Variants in SPOCK3 observed in about 807,000 individuals in gnomAD.
The protein encoded by SPOCK3 is testican-3.
In SPOCK3, 30 loss-of-function variants were observed where a neutral mutation model predicts 56.6. The ratio of observed to expected loss-of-function variants is 0.53; its 90% CI spans 0.40 to 0.72. The LOEUF is 0.72. Among genes scored for constraint, SPOCK3 ranks in the 30% least tolerant of loss-of-function variants. The pLI is 0.00. For missense variants in SPOCK3, 527 were observed against 530.0 expected (o/e 0.99, Z 0.06); for synonymous variants, 196 against 183.3 (o/e 1.07, Z -0.56).
intron 6 of SPOCK3, among the ~76,000 whole-genome samples, chr4:166,840,485 C>T (rs1244850415): frequency 1.3e-5 from 2 of 152,152 alleles, no homozygotes; most frequent in Non-Finnish European, 2.9e-5. Context: ...TTGGACTTTT[C>T]TGTTTGTTTA....
At chr4:166,828,856 A>T (rs2126787101) in intron 6 of SPOCK3, among the ~76,000 whole-genome samples, 1 of 152,140 alleles carries the variant, frequency 6.6e-6, no homozygotes, top group East Asian at 1.9e-4. Flanking sequence ...CTTTTCCAAA[A>T]AGGCTTGAAT....
intron 2 of SPOCK3, among the ~76,000 whole-genome samples, chr4:167,221,142 T>C (rs1735872392): frequency 6.6e-6 from 1 of 151,886 alleles, no homozygotes; most frequent in African/African-American, 2.4e-5. Context: ...GGAGGATGGC[T>C]TGAGCCTAAG....
At chr4:167,027,287 C>T (rs1222443562) in intron 3 of SPOCK3, among the ~76,000 whole-genome samples, 1 of 152,050 alleles carries the variant, frequency 6.6e-6, no homozygotes, top group African/African-American at 2.4e-5. Context: ...TTCATGTTTG[C>T]ACTTTTCATC....
At chr4:167,160,786 G>A (rs1765229339) in intron 2 of SPOCK3, among the ~76,000 whole-genome samples, 2 of 152,008 alleles carry the variant, frequency 1.3e-5, no homozygotes, top group Admixed American at 6.6e-5. Flanking sequence ...AACAAGAAAT[G>A]GGAAAGGACT....
intron 2 of SPOCK3, among the ~76,000 whole-genome samples, chr4:167,148,162 G>A (rs1764129586): frequency 1.3e-5 from 2 of 152,070 alleles, no homozygotes; most frequent in South Asian, 2.1e-4. Flanking sequence ...TTGTCTTCCA[G>A]GGGATCTTTG....
intron 2 of SPOCK3, among the ~76,000 whole-genome samples, chr4:167,218,425 A>C (rs975117246): frequency 6.6e-6 from 1 of 152,124 alleles, no homozygotes; most frequent in Non-Finnish European, 1.5e-5. Flanking sequence ...CAGCATATTC[A>C]ATAAAGAGGC....
At chr4:166,777,618 C>T (rs1035568294) in intron 7 of SPOCK3, among the ~76,000 whole-genome samples, 2 of 152,104 alleles carry the variant, frequency 1.3e-5, no homozygotes, top group Non-Finnish European at 2.9e-5. Context: ...CCTACAGTCA[C>T]AGCTACTACT....
intron 6 of SPOCK3, among the ~76,000 whole-genome samples, chr4:166,850,034 A>G (rs905118422): frequency 4.5e-5 from 6 of 134,722 alleles, no homozygotes; most frequent in Non-Finnish European, 8.2e-5. Context: ...AAAGAATGCT[A>G]CTATGAACAC....
intron 2 of SPOCK3, among the ~76,000 whole-genome samples, chr4:167,106,326 G>A (rs1038394905): frequency 6.6e-6 from 1 of 151,824 alleles, no homozygotes; most frequent in Non-Finnish European, 1.5e-5. Flanking sequence ...TCAATAATAA[G>A]AGGAGTCTTG....
At position 167,091,139 on chromosome 4, in the gene SPOCK3, G is replaced by A. The variant is rs1199280269; in HGVS notation, c.190-28602C>T. Among the ~76,000 whole-genome samples, 4 of 152,230 alleles carry A rather than the reference G, an allele frequency of 2.6e-5. No homozygotes were observed. In the South Asian group the frequency reaches 8.3e-4, roughly 32 times the overall value. On this transcript the variant is annotated intron_variant, in intron 2 of 10. Transcript: ENST00000357545. ...ATTTCACACTGAACTACTGCAAGTT[G>A]TCCCCTAACAGCTAGCCCTGGATGC...
intron 4 of SPOCK3, among the ~76,000 whole-genome samples, chr4:166,950,317 CA>C (rs1177997724): frequency 1.3e-5 from 2 of 151,252 alleles, no homozygotes; most frequent in Non-Finnish European, 2.9e-5. Flanking sequence ...TTTAAACCAA[CA>C]AAGATCAAAA....
intron 7 of SPOCK3, among the ~76,000 whole-genome samples, chr4:166,783,511 A>G (rs765951624): frequency 2.9e-4 from 44 of 152,214 alleles, no homozygotes; most frequent in Non-Finnish European, 5.6e-4. Context: ...CATTACTTGC[A>G]CAATCAAAAT....
intron 6 of SPOCK3, among the ~76,000 whole-genome samples, chr4:166,847,647 T>TTTTATATATATATATATATATA (rs369353581): frequency 9.0e-5 from 5 of 55,408 alleles, no homozygotes; most frequent in African/African-American, 1.5e-4. Flanking sequence ...AAATCCTAGT[T>TTTTATATATATATATATATATA]TATATATATA....
chr4:166,745,529 A>G (rs1328581807), intron 8 of SPOCK3, among the ~76,000 whole-genome samples: 2 of 152,256 alleles, frequency 1.3e-5, no homozygotes, highest in African/African-American at 4.8e-5. Context: ...AGCCACTGCA[A>G]AAACATGCCA....
chr4:167,124,647 CT>C (rs80158217), intron 2 of SPOCK3, among the ~76,000 whole-genome samples: 25,936 of 150,442 alleles, frequency 0.17, 2,531 homozygotes, highest in East Asian at 0.21. Flanking sequence ...TTTGCCTTAT[CT>C]TTTTTTTTTC....
chr4:167,218,047 A>G (rs1231045210), intron 2 of SPOCK3, among the ~76,000 whole-genome samples: 1 of 152,164 alleles, frequency 6.6e-6, no homozygotes, highest in Non-Finnish European at 1.5e-5. Flanking sequence ...ACTAAGAACA[A>G]ACTTTTTTTA....
intron 5 of SPOCK3, among the ~76,000 whole-genome samples, chr4:166,891,609 C>A (rs1200918197): frequency 6.6e-6 from 1 of 151,836 alleles, no homozygotes; most frequent in Non-Finnish European, 1.5e-5. Context: ...AGTAAAATCA[C>A]AGTGCATTTT....
At chr4:166,786,121 TG>T (rs561364248) in intron 7 of SPOCK3, among the ~76,000 whole-genome samples, 158 of 152,114 alleles carry the variant, frequency 1.0e-3, no homozygotes, top group African/African-American at 3.5e-3. Context: ...CTATTTTAGA[TG>T]GGGTGGAAGG....
chr4:166,734,952 T>C lies in SPOCK3; in HGVS notation c.1271A>G (p.Asp424Gly), dbSNP rs753557766. The C allele has an allele frequency of 2.6e-6, 4 of 1,520,372 alleles. No homozygotes were observed. The highest frequency in any genetic ancestry group is 1.8e-4 in the Middle Eastern group (1 of 5,636). 94.2% of individuals were successfully genotyped at this position (1,520,372 alleles called of 1,614,324 possible). The change falls in exon 11 of 11, where the codon GAT becomes GGT. Residue 424 changes from aspartate (D) to glycine (G), a missense_variant. Coordinates refer to ENST00000357545, the MANE Select transcript of SPOCK3 (RefSeq NM_001040159.2). ...GTATACATCATGGTCATCACCACCATCATCATCATCCCCTTCATCTTCATC... is the reference window on the plus strand; with the variant it reads ...GTATACATCATGGTCATCACCACCACCATCATCATCCCCTTCATCTTCATC... ...DDDEDEGDDD[D>G]GGDDHDVYI
Sources: gnomAD v4.1 joint callset for allele counts (sites outside exome capture counted in the v4.1 genomes callset) on GRCh38, gnomAD v4.1.1 for gene constraint, MANE v1.5 for transcripts, NCBI Gene and HGNC (gene_info 2026-07-23, HGNC 2026-07-21) for gene names.